The following CDH4 variants were observed in gnomAD, a reference collection of about 807,000 sequenced individuals.
The protein encoded by CDH4 is cadherin-4.
CDH4 carries 33 observed loss-of-function variants against 86.0 expected under a neutral mutation model. The ratio of observed to expected loss-of-function variants is 0.38; its 90% CI spans 0.29 to 0.51. The LOEUF is 0.51. CDH4 is among the 20% of genes least tolerant of loss of function. The pLI, the probability that CDH4 is intolerant of heterozygous loss-of-function variation, is 0.86. For synonymous variants in CDH4, 555 were observed against 549.4 expected (o/e 1.01, Z -0.14); for missense variants, 1,114 against 1,307.4 (o/e 0.85, Z 2.28).
chr20:61,833,006 G>C (rs1197358470), intron 4 of CDH4, among the ~76,000 whole-genome samples: 2 of 152,156 alleles, frequency 1.3e-5, no homozygotes, highest in South Asian at 2.1e-4. Context: ...GAAGGGGAGA[G>C]AGTACCTGCG....
intron 2 of CDH4, among the ~76,000 whole-genome samples, chr20:61,613,036 G>T (rs1054593162): frequency 2.0e-5 from 3 of 152,066 alleles, no homozygotes; most frequent in African/African-American, 7.3e-5. Flanking sequence ...AGAGGTCCCT[G>T]CTTGCCCAGG....
intron 2 of CDH4, chr20:61,718,531 C>A (rs983187684): frequency 9.3e-6 from 3 of 321,600 alleles, no homozygotes; most frequent in Non-Finnish European, 1.8e-5. Context: ...GCCGTGCTTC[C>A]CTTCCTGGAA....
At chr20:61,396,307 G>A (rs377344950) in intron 2 of CDH4, among the ~76,000 whole-genome samples, 3 of 152,232 alleles carry the variant, frequency 2.0e-5, no homozygotes, top group Non-Finnish European at 2.9e-5. Context: ...GACCGAGGTC[G>A]AGGCCCCTTC....
intron 2 of CDH4, among the ~76,000 whole-genome samples, chr20:61,571,445 G>C (rs765710244): frequency 6.6e-6 from 1 of 152,194 alleles, no homozygotes; most frequent in Non-Finnish European, 1.5e-5. Flanking sequence ...CCATGGCAGG[G>C]AGTGACTGCA....
chr20:61,362,078 C>G (rs2123320373), intron 2 of CDH4, among the ~76,000 whole-genome samples: 1 of 152,342 alleles, frequency 6.6e-6, no homozygotes, highest in Middle Eastern at 3.4e-3. Flanking sequence ...GTCCCTTAGC[C>G]AGCATGGTCG....
intron 2 of CDH4, among the ~76,000 whole-genome samples, chr20:61,366,034 A>C (rs914424385): frequency 6.6e-6 from 1 of 152,126 alleles, no homozygotes; most frequent in East Asian, 1.9e-4. Flanking sequence ...AGTTTTGGGG[A>C]TGTGATAATG....
intron 2 of CDH4, among the ~76,000 whole-genome samples, chr20:61,654,630 G>A (rs964915209): frequency 3.9e-5 from 6 of 152,140 alleles, no homozygotes; most frequent in Admixed American, 6.5e-5. Context: ...GTCCATTTCC[G>A]AGGTTCGTTT....
chr20:61,655,167 GTA>G (rs1204673281), intron 2 of CDH4, among the ~76,000 whole-genome samples: 4 of 152,210 alleles, frequency 2.6e-5, no homozygotes, highest in African/African-American at 9.7e-5. Flanking sequence ...GCATATATGT[GTA>G]TATGTCTGCT....
intron 2 of CDH4, among the ~76,000 whole-genome samples, chr20:61,396,585 A>G (rs2085018523): frequency 6.6e-6 from 1 of 152,330 alleles, no homozygotes; most frequent in African/African-American, 2.4e-5. Context: ...AGGACTGGCC[A>G]CGGGGAGCAT....
chr20:61,897,415 C>G (rs28621636), intron 8 of CDH4, among the ~76,000 whole-genome samples: 1,828 of 152,166 alleles, frequency 0.012, 41 homozygotes, highest in African/African-American at 0.041. Flanking sequence ...AGCATAAGCA[C>G]TGACCAGCAC....
At chr20:61,303,527 TC>T (rs895521323) in intron 2 of CDH4, among the ~76,000 whole-genome samples, 12 of 152,200 alleles carry the variant, frequency 7.9e-5, no homozygotes. Flanking sequence ...CTCCTGCTTC[TC>T]CTGGGTTCCC....
rs2084067306 is a variant in CDH4 at position 61,252,537 on chromosome 20, C to G, written c.24C>G (p.Leu8=). The change falls in exon 1 of 16, where the codon CTC becomes CTG. Residue 8 remains leucine (L), a synonymous_variant. Transcript: ENST00000614565. The surrounding 1 kb of genome is among the most constrained non-coding windows in gnomAD (Gnocchi z 4.4). The part of the protein sequence containing the change: MTAGAGV[L]LLLLSLSGAL... ...AGATGACCGCGGGCGCCGGCGTGCT[C>G]CTTCTGCTGCTCTCGCTCTCCGGCG... 2 of 1,200,408 alleles carry G rather than the reference C, an allele frequency of 1.7e-6. No individual in the cohort carries two copies. Among genetic ancestry groups the G allele is most frequent in the Non-Finnish European group, 2.1e-6 (2 of 967,862 alleles). The allele number at this position is 1,200,408 out of a possible 1,614,324, so 74.4% of individuals were successfully genotyped here. A position where few individuals can be genotyped will look rare whatever the true frequency, so the allele number is the denominator to read the frequency against.
chr20:61,647,578 C>CCT (rs2087078273), intron 2 of CDH4, among the ~76,000 whole-genome samples: 2 of 107,208 alleles, frequency 1.9e-5, no homozygotes, highest in East Asian at 2.6e-4. Flanking sequence ...TCCCTCCCTC[C>CCT]CCCTCTCCTC....
chr20:61,661,250 C>T (rs144706563), intron 2 of CDH4, among the ~76,000 whole-genome samples: 1 of 152,102 alleles, frequency 6.6e-6, no homozygotes, highest in Non-Finnish European at 1.5e-5. Flanking sequence ...GAGGCCAGCA[C>T]CCCCCAGGCT....
chr20:61,638,041 TGAAGA>T (rs1386775007), intron 2 of CDH4, among the ~76,000 whole-genome samples: 38 of 74,010 alleles, frequency 5.1e-4, no homozygotes, highest in African/African-American at 2.0e-3. Flanking sequence ...AAAAAAAAAA[TGAAGA>T]GAGGAGAGGA....
intron 2 of CDH4, among the ~76,000 whole-genome samples, chr20:61,453,840 T>G (rs2085392857): frequency 6.6e-6 from 1 of 152,122 alleles, no homozygotes; most frequent in Admixed American, 6.5e-5. Flanking sequence ...AATTGAATCA[T>G]GGGGGCAGTG....
intron 2 of CDH4, among the ~76,000 whole-genome samples, chr20:61,716,693 G>A (rs756503084): frequency 5.3e-5 from 8 of 152,200 alleles, no homozygotes; most frequent in African/African-American, 9.6e-5. Flanking sequence ...AGGATCATCT[G>A]AAGTCAGGAG....
At chr20:61,614,760 CAA>C (rs1219095101) in intron 2 of CDH4, among the ~76,000 whole-genome samples, 1 of 152,112 alleles carries the variant, frequency 6.6e-6, no homozygotes, top group African/African-American at 2.4e-5. Context: ...ACCCATTTCT[CAA>C]AATTCAGTGA....
chr20:61,792,656 GTA>G, intron 4 of CDH4, among the ~76,000 whole-genome samples: 1 of 151,784 alleles, frequency 6.6e-6, no homozygotes, highest in Non-Finnish European at 1.5e-5. Flanking sequence ...GTGTGTGTGT[GTA>G]TTTTTTTTTG....
Sources: allele counts gnomAD v4.1 joint callset (sites outside exome capture counted in the v4.1 genomes callset), GRCh38; gene constraint gnomAD v4.1.1; non-coding constraint Gnocchi (gnomAD v3.1); transcripts MANE v1.5; gene names NCBI Gene and HGNC (gene_info 2026-07-23, HGNC 2026-07-21).